DLGAP2: variants seen among roughly 807,000 people sequenced by gnomAD.
DLGAP2 encodes the protein disks large-associated protein 2.
Under a neutral mutation model 100.3 loss-of-function variants are expected in DLGAP2, and 26 were observed. That is an observed-to-expected ratio of 0.26 (90% CI 0.19 to 0.36). DLGAP2 has a LOEUF of 0.36. Among genes scored for constraint, DLGAP2 ranks in the 10% least tolerant of loss-of-function variants. The pLI is 1.00. For synonymous variants in DLGAP2, 886 were observed against 630.1 expected, an observed-to-expected ratio of 1.41 and a Z score of -6.08; for missense variants, 1,858 against 1,453.2, an observed-to-expected ratio of 1.28 and a Z score of -4.53.
chr8:1,242,011 G>A (rs1281043352), intron 2 of DLGAP2, among the ~76,000 whole-genome samples: 1 of 152,204 alleles, frequency 6.6e-6, no homozygotes, highest in Admixed American at 6.5e-5. Flanking sequence ...TCCAGGGAAT[G>A]GTACGCAGGT....
intron 3 of DLGAP2, among the ~76,000 whole-genome samples, chr8:1,429,965 T>C (rs1424274415): frequency 1.3e-4 from 15 of 117,956 alleles, no homozygotes; most frequent in Admixed American, 1.0e-3. Flanking sequence ...GAAAATATCA[T>C]CCTGCAGAAT....
intron 2 of DLGAP2, among the ~76,000 whole-genome samples, chr8:917,027 T>A (rs2129000672): frequency 6.6e-6 from 1 of 152,332 alleles, no homozygotes; most frequent in Middle Eastern, 3.4e-3. Flanking sequence ...GAAGAAGGTG[T>A]GAGAGGCAGG....
At chr8:1,370,569 AT>A (rs1456221183) in intron 3 of DLGAP2, among the ~76,000 whole-genome samples, 4 of 152,202 alleles carry the variant, frequency 2.6e-5, no homozygotes, top group African/African-American at 9.6e-5. Flanking sequence ...TGAAAAGTCA[AT>A]TTTACAAAAG....
Position 1,174,663 on chromosome 8 carries a change from C to G in DLGAP2, c.74-84188C>G, listed in dbSNP as rs1314400306. On this transcript the variant is annotated intron_variant, in intron 2 of 14. Coordinates refer to ENST00000637795, the MANE Select transcript of DLGAP2 (RefSeq NM_001346810.2). ...TCATCGTCGTCTTTACCATCATTGT[C>G]ATCATCACCATCACCACCATCATCA... 2.0e-5 allele frequency among the ~76,000 whole-genome samples: 3 copies of G among 149,738 alleles called. No homozygotes were observed. The East Asian group carries it at 6.3e-4, about 31-fold the overall frequency.
intron 4 of DLGAP2, among the ~76,000 whole-genome samples, chr8:1,502,266 C>T (rs1348057480): frequency 6.6e-6 from 1 of 152,180 alleles, no homozygotes; most frequent in African/African-American, 2.4e-5. Context: ...AGGGCTGGGT[C>T]TCGGATCATA....
intron 1 of DLGAP2, among the ~76,000 whole-genome samples, chr8:800,248 G>A (rs150497396): frequency 6.6e-6 from 1 of 152,306 alleles, no homozygotes; most frequent in African/African-American, 2.4e-5. Context: ...GTTCCCTGGT[G>A]GTTTGAGAGG....
chr8:1,560,105 T>G (rs1420132699), intron 5 of DLGAP2, among the ~76,000 whole-genome samples: 2 of 152,274 alleles, frequency 1.3e-5, no homozygotes, highest in Non-Finnish European at 2.9e-5. Context: ...AAAAGTCATA[T>G]AGGGTTCATG....
At chr8:1,291,228 G>A (rs1800050991) in intron 3 of DLGAP2, among the ~76,000 whole-genome samples, 1 of 152,126 alleles carries the variant, frequency 6.6e-6, no homozygotes, top group African/African-American at 2.4e-5. Flanking sequence ...CAGATTCACA[G>A]AATGGATGGA....
Position 1,175,511 on chromosome 8 carries a change from A to G in DLGAP2, c.74-83340A>G, listed in dbSNP as rs550838064. Among the ~76,000 whole-genome samples the G allele has an allele frequency of 1.2e-4, 18 of 152,194 alleles. 1 individual carries two copies. Among genetic ancestry groups the G allele is most frequent in the African/African-American group, 3.4e-4 (14 of 41,454 alleles). On this transcript the variant is annotated intron_variant, in intron 2 of 14. Coordinates refer to ENST00000637795, the MANE Select transcript of DLGAP2 (RefSeq NM_001346810.2). ...CTTGGGCTAATAAAAGTTGTTTATC[A>G]TGTTTCATTGAGGCTGTCAGTGGAA...
At chr8:1,172,135 A>G (rs1484080348) in intron 2 of DLGAP2, among the ~76,000 whole-genome samples, 1 of 150,834 alleles carries the variant, frequency 6.6e-6, no homozygotes, top group African/African-American at 2.4e-5. Flanking sequence ...TTTCTCCTTC[A>G]CTTATGAAGC....
chr8:773,937 T>G (rs1821439596), intron 1 of DLGAP2, among the ~76,000 whole-genome samples: 2 of 152,228 alleles, frequency 1.3e-5, no homozygotes, highest in Non-Finnish European at 2.9e-5. Context: ...ACTTCCACAA[T>G]GGTTGAACTA....
chr8:1,292,878 T>C (rs1800091971), intron 3 of DLGAP2, among the ~76,000 whole-genome samples: 1 of 152,134 alleles, frequency 6.6e-6, no homozygotes, highest in South Asian at 2.1e-4. Flanking sequence ...CCAGCAACAG[T>C]GCCCACCCCG....
chr8:1,140,956 C>T (rs1053657461), intron 2 of DLGAP2, among the ~76,000 whole-genome samples: 1 of 152,162 alleles, frequency 6.6e-6, no homozygotes, highest in African/African-American at 2.4e-5. Flanking sequence ...GCACTCCAGC[C>T]TGGGTGACAG....
intron 3 of DLGAP2, among the ~76,000 whole-genome samples, chr8:1,289,430 G>T (rs1328534090): frequency 6.6e-6 from 1 of 152,186 alleles, no homozygotes; most frequent in Non-Finnish European, 1.5e-5. Flanking sequence ...CACATGCCCT[G>T]TCTATTTTGC....
At chr8:1,046,267 T>C (rs1048384200) in intron 2 of DLGAP2, among the ~76,000 whole-genome samples, 2 of 152,248 alleles carry the variant, frequency 1.3e-5, no homozygotes, top group African/African-American at 2.4e-5. Flanking sequence ...ATCCATGCCA[T>C]AGGACATTTG....
intron 2 of DLGAP2, among the ~76,000 whole-genome samples, chr8:990,072 T>C (rs1800612772): frequency 6.6e-6 from 1 of 152,070 alleles, no homozygotes; most frequent in Non-Finnish European, 1.5e-5. Flanking sequence ...CTTCCCACTG[T>C]AGAATTTCAT....
At chr8:1,217,215 G>A (rs1336594728) in intron 2 of DLGAP2, among the ~76,000 whole-genome samples, 2 of 152,132 alleles carry the variant, frequency 1.3e-5, no homozygotes. Flanking sequence ...GGAGTATTTA[G>A]TTTTCTGTCT....
chr8:1,201,727 A>C (rs971979574), intron 2 of DLGAP2, among the ~76,000 whole-genome samples: 1 of 152,144 alleles, frequency 6.6e-6, no homozygotes, highest in African/African-American at 2.4e-5. Flanking sequence ...CCCAGAGCAC[A>C]TTTCCCTGTG....
chr8:1,011,409 C>G (rs999587692), intron 2 of DLGAP2, among the ~76,000 whole-genome samples: 4 of 148,248 alleles, frequency 2.7e-5, no homozygotes, highest in African/African-American at 7.5e-5. Context: ...GAGTCTCAGT[C>G]TACACAGTGA....
Sources: allele counts gnomAD v4.1 joint callset (sites outside exome capture counted in the v4.1 genomes callset), GRCh38; gene constraint gnomAD v4.1.1; transcripts MANE v1.5; gene names NCBI Gene and HGNC (gene_info 2026-07-23, HGNC 2026-07-21).